MCTP1: variants seen among roughly 807,000 people sequenced by gnomAD.
MCTP1 encodes multiple C2 and transmembrane domain-containing protein 1.
Under a neutral mutation model 120.6 loss-of-function variants are expected in MCTP1, and 69 were observed. That is an observed-to-expected ratio of 0.57 (90% CI 0.47 to 0.70). The LOEUF is 0.70. Ranked by LOEUF, MCTP1 falls within the 30% of genes least tolerant of loss-of-function variation. The probability of loss-of-function intolerance (pLI) is 0.00; values close to 1 mark genes in which losing one functional copy is unlikely to be tolerated. For missense variants in MCTP1, 1,203 were observed against 1,248.8 expected (o/e 0.96, Z 0.55); for synonymous variants, 529 against 493.1 (o/e 1.07, Z -0.96).
Position 95,155,225 on chromosome 5 carries a change from C to T in MCTP1, c.720+128631G>A, listed in dbSNP as rs563230158. ...TTGCATGACTAAAAATATAAAGACA[C>T]AGGCAAGGAGATGTTGAATGAAAAT... On this transcript the variant is annotated intron_variant, in intron 1 of 22. Transcript: ENST00000515393. Among the ~76,000 whole-genome samples, 3 of 152,080 alleles carry T rather than the reference C, an allele frequency of 2.0e-5. No individual in the cohort carries two copies. The East Asian group carries it at 5.8e-4, about 29-fold the overall frequency.
At chr5:95,122,734 T>A (rs1327755764) in intron 1 of MCTP1, among the ~76,000 whole-genome samples, 2 of 152,152 alleles carry the variant, frequency 1.3e-5, no homozygotes, top group Non-Finnish European at 2.9e-5. Context: ...TAGCCAAGAT[T>A]TGGAATCAAT....
chr5:95,203,254 C>A (rs1475337213), intron 1 of MCTP1, among the ~76,000 whole-genome samples: 1 of 152,150 alleles, frequency 6.6e-6, no homozygotes, highest in Non-Finnish European at 1.5e-5. Flanking sequence ...TGCTTTGGGT[C>A]CTTAAACACT....
At chr5:94,848,392 T>C (rs898110155) in intron 17 of MCTP1, among the ~76,000 whole-genome samples, 15 of 151,880 alleles carry the variant, frequency 9.9e-5, no homozygotes, top group South Asian at 2.1e-4. Flanking sequence ...GCCTTGGGGG[T>C]CACCCTCCGA....
At chr5:94,837,502 C>T (rs1790067043) in intron 17 of MCTP1, among the ~76,000 whole-genome samples, 1 of 152,216 alleles carries the variant, frequency 6.6e-6, no homozygotes, top group South Asian at 2.1e-4. Flanking sequence ...GCCCCTTGGT[C>T]TCTTGATCTG....
chr5:94,706,811 G>C lies in MCTP1; in HGVS notation c.*685C>G, dbSNP rs1271008051. 6.6e-6 allele frequency: 1 copy of C among 151,844 alleles called. No homozygotes were observed. The highest frequency in any genetic ancestry group is 6.6e-5 in the Admixed American group (1 of 15,204). The allele number at this position is 151,844 out of a possible 1,614,324, so 9.4% of individuals were successfully genotyped here. A position where few individuals can be genotyped will look rare whatever the true frequency, so the allele number is the denominator to read the frequency against. On this transcript the variant is annotated 3_prime_UTR_variant, in exon 23 of 23. Transcript: ENST00000515393. ...TATTTATGTTATGTAGTCCTGTAGA[G>C]ATTTTAAGGTTTTAGATGGAATGAT...
intron 17 of MCTP1, chr5:94,867,440 G>C: frequency 1.0e-6 from 1 of 963,122 alleles, no homozygotes; most frequent in Non-Finnish European, 1.6e-6. Flanking sequence ...CATTTGAATG[G>C]TAATACTAAA....
At chr5:94,939,778 A>C (rs1228208675) in intron 5 of MCTP1, among the ~76,000 whole-genome samples, 3 of 152,046 alleles carry the variant, frequency 2.0e-5, no homozygotes, top group African/African-American at 7.2e-5. Context: ...TTCACTAATA[A>C]ATGTATTTCC....
At chr5:94,869,408 G>A (rs1423869787) in intron 16 of MCTP1, among the ~76,000 whole-genome samples, 1 of 151,924 alleles carries the variant, frequency 6.6e-6, no homozygotes, top group Non-Finnish European at 1.5e-5. Context: ...GGCTAAAATT[G>A]AAATTCCTTG....
intron 4 of MCTP1, among the ~76,000 whole-genome samples, chr5:94,941,960 C>A (rs919175364): frequency 6.6e-6 from 1 of 151,988 alleles, no homozygotes; most frequent in African/African-American, 2.4e-5. Flanking sequence ...AGTGTACACA[C>A]TGCATTTTAT....
At chr5:94,889,611 G>A (rs770311136) in intron 11 of MCTP1, among the ~76,000 whole-genome samples, 2 of 151,992 alleles carry the variant, frequency 1.3e-5, no homozygotes, top group Non-Finnish European at 2.9e-5. Context: ...TCAAAATAGT[G>A]AGTAATTTTT....
chr5:94,791,299 A>G (rs1304401021), intron 18 of MCTP1, among the ~76,000 whole-genome samples: 1 of 150,020 alleles, frequency 6.7e-6, no homozygotes, highest in African/African-American at 2.4e-5. Flanking sequence ...CTCTGTTTCA[A>G]AAAAAAAAAA....
chr5:95,210,243 CT>C (rs1562240547), intron 1 of MCTP1, among the ~76,000 whole-genome samples: 1 of 152,112 alleles, frequency 6.6e-6, no homozygotes, highest in African/African-American at 2.4e-5. Flanking sequence ...AACTTTCTGT[CT>C]TGTTCATCTG....
At chr5:94,871,637 C>T (rs183307384) in intron 13 of MCTP1, among the ~76,000 whole-genome samples, 154 of 152,154 alleles carry the variant, frequency 1.0e-3, no homozygotes, top group African/African-American at 3.4e-3. Flanking sequence ...ACTTTAAACA[C>T]CTTGTAATTT....
At chr5:94,851,091 C>A (rs935085696) in intron 17 of MCTP1, among the ~76,000 whole-genome samples, 1 of 152,114 alleles carries the variant, frequency 6.6e-6, no homozygotes, top group African/African-American at 2.4e-5. Context: ...CTGATTTTCA[C>A]TGGCAAAAAT....
chr5:94,870,463 G>C lies in MCTP1; in HGVS notation c.2270C>G (p.Pro757Arg). The part of the protein sequence containing the change: ...AVKASLRTLI[P>R]KEQKYIEEEN... ...CTCTTCAATGTACTTCTGTTCTTTG[G>C]GTATTAATGTTCGTAAGCTGGCTTT... Residue 757 changes from proline (P) to arginine (R), a missense_variant, in exon 16 of 23, where the codon CCC becomes CGC. Physicochemically the swap from Pro to Arg is moderately radical, Grantham distance 103. Around this residue, in one of 2 missense-constraint regions of MCTP1, gnomAD observed 740 missense variants for 871.1 expected, o/e 0.85. Transcript: ENST00000515393. 13 of 1,611,770 alleles carry C rather than the reference G, an allele frequency of 8.1e-6. No homozygotes were observed. The highest frequency in any genetic ancestry group is 1.1e-5 in the Non-Finnish European group (13 of 1,178,264).
chr5:94,871,966 A>T (rs897401287), intron 13 of MCTP1, among the ~76,000 whole-genome samples: 1 of 152,154 alleles, frequency 6.6e-6, no homozygotes, highest in Non-Finnish European at 1.5e-5. Flanking sequence ...GAATGGAGAA[A>T]ATGTAACATA....
chr5:94,847,163 C>T (rs991295793), intron 17 of MCTP1, among the ~76,000 whole-genome samples: 3 of 152,282 alleles, frequency 2.0e-5, no homozygotes, highest in Non-Finnish European at 4.4e-5. Context: ...CTGAATTACA[C>T]TCTGCCTTGT....
At chr5:94,909,436 C>T in intron 9 of MCTP1, 55 bp from the exon 10 acceptor site, 2 of 1,537,304 alleles carry the variant, frequency 1.3e-6, no homozygotes, top group South Asian at 2.5e-5. Flanking sequence ...AAAAAAACTT[C>T]AACCTGAGAC....
chr5:95,009,938 C>T (rs897163358), intron 2 of MCTP1, among the ~76,000 whole-genome samples: 2 of 152,118 alleles, frequency 1.3e-5, no homozygotes, highest in Non-Finnish European at 2.9e-5. Flanking sequence ...CTTCAGTGCC[C>T]GTTACGTAGA....
Sources: allele counts gnomAD v4.1 joint callset (sites outside exome capture counted in the v4.1 genomes callset), GRCh38; gene constraint gnomAD v4.1.1; regional missense constraint gnomAD v4.1.1; transcripts MANE v1.5; gene names NCBI Gene and HGNC (gene_info 2026-07-23, HGNC 2026-07-21).